PLEKHA5: variants seen among roughly 807,000 people sequenced by gnomAD.
PLEKHA5 encodes the protein pleckstrin homology domain-containing family A member 5.
A neutral mutation model predicts 181.9 loss-of-function variants in PLEKHA5; 55 were observed. The observed-to-expected ratio is 0.30, with a 90% CI of 0.24 to 0.38. The LOEUF (loss-of-function observed/expected upper bound fraction) is 0.38, where lower values mean the gene tolerates loss of function less well. Among genes scored for constraint, PLEKHA5 ranks in the 10% least tolerant of loss-of-function variants. The pLI is 1.00. For missense variants in PLEKHA5, 1,432 were observed against 1,549.5 expected, an observed-to-expected ratio of 0.92 and a Z score of 1.27; for synonymous variants, 535 against 529.4, an observed-to-expected ratio of 1.01 and a Z score of -0.15.
chr12:19,270,133 A>C (rs768400286), intron 9 of PLEKHA5, 55 bp from the exon 10 acceptor site: 4 of 1,109,964 alleles, frequency 3.6e-6, no homozygotes, highest in Non-Finnish European at 5.0e-6. Context: ...CTATCGGTGT[A>C]CTGGGGTGAA....
At chr12:19,216,689 G>C (rs1438730042) in intron 3 of PLEKHA5, among the ~76,000 whole-genome samples, 1 of 151,750 alleles carries the variant, frequency 6.6e-6, no homozygotes, top group Non-Finnish European at 1.5e-5. Context: ...GTTCTGTTAA[G>C]GGCAGAGCCT....
intron 3 of PLEKHA5, among the ~76,000 whole-genome samples, chr12:19,169,619 T>C (rs890538290): frequency 6.6e-6 from 1 of 152,174 alleles, no homozygotes; most frequent in African/African-American, 2.4e-5. Context: ...AATAGATAAA[T>C]TCAGGAAATA....
At chr12:19,239,820 C>A (rs1450752483) in intron 3 of PLEKHA5, among the ~76,000 whole-genome samples, 1 of 152,184 alleles carries the variant, frequency 6.6e-6, no homozygotes, top group Non-Finnish European at 1.5e-5. Context: ...GTGATGCCTT[C>A]TCTGCTCTTT....
chr12:19,250,497 C>T (rs1171515632), intron 3 of PLEKHA5, among the ~76,000 whole-genome samples: 3 of 152,048 alleles, frequency 2.0e-5, no homozygotes, highest in African/African-American at 4.8e-5. Context: ...GCAGGAGAAT[C>T]GCTTGAACCT....
intron 3 of PLEKHA5, among the ~76,000 whole-genome samples, chr12:19,179,512 T>G (rs933999188): frequency 6.6e-6 from 1 of 151,990 alleles, no homozygotes; most frequent in Non-Finnish European, 1.5e-5. Flanking sequence ...ATAACAAAAT[T>G]AGCCTGGCGT....
intron 31 of PLEKHA5, among the ~76,000 whole-genome samples, chr12:19,373,976 T>C (rs1355241121): frequency 6.6e-6 from 1 of 152,196 alleles, no homozygotes; most frequent in Non-Finnish European, 1.5e-5. Context: ...CATACTGTAA[T>C]GAGGTATGAT....
intron 3 of PLEKHA5, among the ~76,000 whole-genome samples, chr12:19,138,233 G>A (rs538333935): frequency 1.1e-4 from 17 of 152,102 alleles, no homozygotes; most frequent in South Asian, 2.1e-4. Context: ...TGAAATTAAG[G>A]GTGAAAAGTT....
At chr12:19,137,775 G>T (rs1210492953) in intron 3 of PLEKHA5, among the ~76,000 whole-genome samples, 2 of 152,130 alleles carry the variant, frequency 1.3e-5, no homozygotes, top group African/African-American at 2.4e-5. Context: ...ACTGCTTAGG[G>T]CCAGGTTTGC....
In PLEKHA5 at chr12:19,290,594, G is replaced by T. The variant is rs1305423916; in HGVS notation, c.1864-83G>T. 6 of 1,314,658 alleles carry T rather than the reference G, an allele frequency of 4.6e-6. No individual in the cohort carries two copies. The African/African-American group carries it at 7.3e-5, about 16-fold the overall frequency. 81.4% of individuals were successfully genotyped at this position (1,314,658 alleles called of 1,614,324 possible). On this transcript the variant is annotated intron_variant, in intron 13 of 31. Coordinates refer to ENST00000429027, the MANE Select transcript of PLEKHA5 (RefSeq NM_001256470.2). ...TCAACCATAAGAGGAAACTTGCCAA[G>T]AAATCTTGGTTTAATATCTGTCACT...
intron 3 of PLEKHA5, among the ~76,000 whole-genome samples, chr12:19,186,020 A>G (rs1427613162): frequency 6.6e-6 from 1 of 152,200 alleles, no homozygotes; most frequent in Non-Finnish European, 1.5e-5. Context: ...CTCTAGGCTT[A>G]TAAATATACT....
intron 14 of PLEKHA5, 150 bp from the exon 15 acceptor site, chr12:19,291,493 AT>A (rs2078434305): frequency 4.0e-6 from 2 of 506,084 alleles, no homozygotes; most frequent in African/African-American, 2.0e-5. Context: ...CAGCGGTACC[AT>A]TTACAGGGGA....
chr12:19,249,177 A>G (rs775950692), intron 3 of PLEKHA5, among the ~76,000 whole-genome samples: 3 of 152,196 alleles, frequency 2.0e-5, no homozygotes, highest in Non-Finnish European at 2.9e-5. Flanking sequence ...TGTTTTTTAA[A>G]AAATTAGGCA....
intron 3 of PLEKHA5, among the ~76,000 whole-genome samples, chr12:19,180,157 G>A (rs1046690438): frequency 6.6e-6 from 1 of 152,144 alleles, no homozygotes; most frequent in Non-Finnish European, 1.5e-5. Context: ...AAATGCCAGC[G>A]GTAGTAAGCA....
intron 3 of PLEKHA5, among the ~76,000 whole-genome samples, chr12:19,238,287 G>A (rs1281421847): frequency 6.6e-6 from 1 of 152,060 alleles, no homozygotes; most frequent in Non-Finnish European, 1.5e-5. Flanking sequence ...GAATAATATA[G>A]TTAGGTATTG....
At chr12:19,211,383 C>CA (rs2056864454) in intron 3 of PLEKHA5, among the ~76,000 whole-genome samples, 2 of 151,952 alleles carry the variant, frequency 1.3e-5, no homozygotes, top group African/African-American at 4.8e-5. Context: ...AATGCAGTCA[C>CA]AAGTGTCCTT....
At chr12:19,269,279 C>G (rs1441681707) in intron 8 of PLEKHA5, among the ~76,000 whole-genome samples, 3 of 151,110 alleles carry the variant, frequency 2.0e-5, no homozygotes, top group South Asian at 2.1e-4. Context: ...CCCAGCTAAT[C>G]GGGATGCTGA....
At chr12:19,365,675 C>G (rs1448878753) in intron 29 of PLEKHA5, among the ~76,000 whole-genome samples, 1 of 152,070 alleles carries the variant, frequency 6.6e-6, no homozygotes. Flanking sequence ...TTCTGAAGTA[C>G]TTACAAATTA....
intron 20 of PLEKHA5, among the ~76,000 whole-genome samples, chr12:19,336,013 C>T (rs1168910378): frequency 1.3e-5 from 2 of 152,116 alleles, no homozygotes; most frequent in Non-Finnish European, 2.9e-5. Context: ...TCAAAATCTT[C>T]TCTGTGATAT....
intron 31 of PLEKHA5, 63 bp downstream of exon 31, chr12:19,369,861 T>G (rs1005079602): frequency 2.1e-6 from 2 of 962,420 alleles, no homozygotes; most frequent in African/African-American, 3.3e-5. Flanking sequence ...ACTTATCTGT[T>G]GGTTTAGTGA....
Sources: allele counts gnomAD v4.1 joint callset (sites outside exome capture counted in the v4.1 genomes callset), GRCh38; gene constraint gnomAD v4.1.1; transcripts MANE v1.5; gene names NCBI Gene and HGNC (gene_info 2026-07-23, HGNC 2026-07-21).